The following ZNF883 variants were observed in gnomAD, a reference collection of about 807,000 sequenced individuals.
The protein encoded by ZNF883 is zinc finger protein 883.
upstream of ZNF883, among the ~76,000 whole-genome samples, chr9:113,002,239 A>C (rs1420300105): frequency 6.6e-6 from 1 of 152,216 alleles, no homozygotes; most frequent in African/African-American, 2.4e-5. Flanking sequence ...TTATTATTTG[A>C]TGTCTACTAC....
upstream of ZNF883, chr9:112,999,123 A>G: frequency 6.6e-6 from 1 of 152,228 alleles, no homozygotes; most frequent in East Asian, 1.9e-4. Context: ...TAAGTAGAAG[A>G]TATTATCTCT....
upstream of ZNF883, among the ~76,000 whole-genome samples, chr9:113,001,816 G>A (rs1828428738): frequency 6.6e-6 from 1 of 152,166 alleles, no homozygotes; most frequent in Non-Finnish European, 1.5e-5. Flanking sequence ...ATAGAGAAAT[G>A]TTGATACTTC....
exon 1 of ZNF883, chr9:112,998,067 C>T (rs559253213): frequency 1.2e-6 from 2 of 1,613,928 alleles, no homozygotes; most frequent in Non-Finnish European, 1.7e-6. Flanking sequence ...GGTTTCTCTC[C>T]AGTATGTATT....
intron 2 of ZNF883, among the ~76,000 whole-genome samples, chr9:113,010,213 A>T (rs1457350025): frequency 6.6e-6 from 1 of 152,216 alleles, no homozygotes; most frequent in African/African-American, 2.4e-5. Flanking sequence ...CCCTCTGGAC[A>T]GAGGTGATAT....
At chr9:113,000,090 C>T (rs1490081030), upstream of ZNF883, among the ~76,000 whole-genome samples, 1 of 152,032 alleles carries the variant, frequency 6.6e-6, no homozygotes, top group African/African-American at 2.4e-5. Flanking sequence ...GCTTTCAAAG[C>T]TCTGTGACAA....
At chr9:112,996,271 G>C (rs1828353251), downstream of ZNF883, among the ~76,000 whole-genome samples, 1 of 151,604 alleles carries the variant, frequency 6.6e-6, no homozygotes, top group Admixed American at 6.6e-5. Context: ...CATATATATA[G>C]TCCATTAAAA....
At chr9:112,995,725 A>T (rs1296986729), downstream of ZNF883, among the ~76,000 whole-genome samples, 1 of 152,154 alleles carries the variant, frequency 6.6e-6, no homozygotes, top group African/African-American at 2.4e-5. Context: ...TTTGTTTATT[A>T]ATGTAGATTT....
At chr9:113,008,393 G>A (rs961653366) in intron 2 of ZNF883, among the ~76,000 whole-genome samples, 3 of 151,964 alleles carry the variant, frequency 2.0e-5, no homozygotes, top group Non-Finnish European at 2.9e-5. Context: ...AGGGAATGGT[G>A]CATAGAGTAA....
chr9:113,001,457 AAGAT>A (rs1243963676), upstream of ZNF883, among the ~76,000 whole-genome samples: 16 of 152,056 alleles, frequency 1.1e-4, no homozygotes, highest in Non-Finnish European at 1.9e-4. Context: ...GATATGTGAG[AAGAT>A]AGATAAAGGT....
At chr9:113,008,785 C>A (rs1828502407) in intron 2 of ZNF883, among the ~76,000 whole-genome samples, 1 of 151,744 alleles carries the variant, frequency 6.6e-6, no homozygotes, top group Non-Finnish European at 1.5e-5. Flanking sequence ...AAATTAGAGT[C>A]CAGGCCATTT....
chr9:113,006,097 T>TA lies in ZNF883; in HGVS notation n.166-4025dup, dbSNP rs33952027. Reference sequence around the variant, plus strand: ...CTCTAAAAGTTCAAGCATGAAAAATTAAAAAAAAAAAAGAAACCAGCCTAA... The same window carrying TA: ...CTCTAAAAGTTCAAGCATGAAAAATTAAAAAAAAAAAAAGAAACCAGCCTAA... On this transcript the variant is annotated intron_variant and non_coding_transcript_variant, in intron 2 of 4. Transcript: ENST00000638622. Among the ~76,000 whole-genome samples, 1,105 of 144,378 alleles carry TA rather than the reference T, an allele frequency of 7.7e-3. 10 individuals are homozygous for TA. The highest frequency in any genetic ancestry group is 0.026 in the African/African-American group (1,035 of 39,096). 94.7% of individuals were successfully genotyped at this position (144,378 alleles called of 152,430 possible).
upstream of ZNF883, chr9:112,998,614 G>C (rs1344008477): frequency 6.0e-6 from 1 of 166,736 alleles, no homozygotes; most frequent in African/African-American, 2.4e-5. Flanking sequence ...TCTGAGTACT[G>C]TGATGAAATC....
upstream of ZNF883, among the ~76,000 whole-genome samples, chr9:113,000,341 GA>G (rs1323921889): frequency 6.6e-6 from 1 of 152,144 alleles, no homozygotes; most frequent in Non-Finnish European, 1.5e-5. Context: ...TTTAAACAGA[GA>G]AATTCAATGT....
chr9:113,002,583 C>T (rs779927357), upstream of ZNF883, among the ~76,000 whole-genome samples: 19 of 152,156 alleles, frequency 1.2e-4, no homozygotes, highest in African/African-American at 3.1e-4. Flanking sequence ...GTAAATTTTA[C>T]GCAAATCTAA....
At chr9:113,002,679 TG>T (rs1446447842), upstream of ZNF883, among the ~76,000 whole-genome samples, 4 of 152,220 alleles carry the variant, frequency 2.6e-5, no homozygotes, top group African/African-American at 9.6e-5. Flanking sequence ...TCTTACAGCT[TG>T]TTTTTCTTTT....
At chr9:113,005,162 TA>T (rs1353281513) in intron 2 of ZNF883, among the ~76,000 whole-genome samples, 1 of 152,018 alleles carries the variant, frequency 6.6e-6, no homozygotes, top group Non-Finnish European at 1.5e-5. Context: ...TAATAAAATA[TA>T]AAATCTAGAG....
intron 2 of ZNF883, among the ~76,000 whole-genome samples, chr9:113,009,135 TAAGTC>T (rs1484636154): frequency 6.6e-6 from 1 of 152,212 alleles, no homozygotes; most frequent in Non-Finnish European, 1.5e-5. Context: ...TCCTTTAAAC[TAAGTC>T]AAGTTATGTC....
At chr9:112,996,825 G>GT (rs1484992159), downstream of ZNF883, among the ~76,000 whole-genome samples, 20 of 56,416 alleles carry the variant, frequency 3.5e-4, no homozygotes, top group African/African-American at 9.9e-4. Flanking sequence ...AAAAAAAAAA[G>GT]TTTTTTTATA....
chr9:112,997,254 G>A (rs1421406287), exon 1 of ZNF883: 3 of 1,614,094 alleles, frequency 1.9e-6, no homozygotes, highest in Non-Finnish European at 2.5e-6. Flanking sequence ...TGTTTAGTTA[G>A]AGCTGAGCTT....
Sources: allele counts gnomAD v4.1 joint callset (sites outside exome capture counted in the v4.1 genomes callset), GRCh38; gene constraint gnomAD v4.1.1; transcripts MANE v1.5; gene names NCBI Gene and HGNC (gene_info 2026-07-23, HGNC 2026-07-21).